The following RNF151 variants were observed in gnomAD, a reference collection of about 807,000 sequenced individuals.
The protein encoded by RNF151 is ring finger protein 151.
In RNF151, 9 loss-of-function variants were observed where a neutral mutation model predicts 11.1. The observed-to-expected ratio is 0.81, with a 90% CI of 0.49 to 1.42. RNF151 has a LOEUF of 1.42. Ranked by LOEUF, RNF151 falls within the 40% of genes most tolerant of loss-of-function variation. RNF151 has a pLI of 0.00. For synonymous variants in RNF151, 172 were observed against 140.7 expected (o/e 1.22, Z -1.58); for missense variants, 372 against 342.9 (o/e 1.08, Z -0.67).
chr16:1,967,932 C>T, intron 3 of RNF151, 111 bp downstream of exon 3: 3 of 814,382 alleles, frequency 3.7e-6, no homozygotes, highest in Non-Finnish European at 6.2e-6. Flanking sequence ...GAAACAAGTG[C>T]AGCCTTGGGA....
intron 1 of RNF151, 92 bp downstream of exon 1, chr16:1,966,976 C>T (rs557592220): frequency 7.3e-5 from 103 of 1,418,358 alleles, no homozygotes; most frequent in Non-Finnish European, 9.3e-5. Flanking sequence ...CCACTCCACT[C>T]GGAAAGGGTG....
At position 1,966,875 on chromosome 16, in the gene RNF151, G is replaced by A. The variant is rs369280646; in HGVS notation, c.-7G>A. 42 of 1,573,248 alleles carry A rather than the reference G, an allele frequency of 2.7e-5. No individual in the cohort carries two copies. Among genetic ancestry groups the A allele is most frequent in the African/African-American group, 2.2e-4 (16 of 73,622 alleles). On this transcript the variant is annotated 5_prime_UTR_variant, in exon 1 of 4. Coordinates refer to ENST00000569714, the MANE Select transcript of RNF151 (RefSeq NM_174903.6). ...GGGCCTGTGGAGCTGCTGTCTAGACGCAGATCATGGTGAGCCTGGGGCCCT... is the reference window on the plus strand; with the variant it reads ...GGGCCTGTGGAGCTGCTGTCTAGACACAGATCATGGTGAGCCTGGGGCCCT...
rs1404906703 is a variant in RNF151 at position 1,968,519 on chromosome 16, C to T, written c.332C>T (p.Thr111Met). The stretch of plus-strand genomic sequence containing the variant: ...CAGGACTCATGCCCCTTTGAGCTAA[C>T]GGCCTGCCCCAACGAGGGCTGCACC... ...GHQDSCPFEL[T>M]ACPNEGCTSQ... The change falls in exon 4 of 4, where the codon ACG becomes ATG. Residue 111 changes from threonine (T) to methionine (M), a missense_variant. Coordinates refer to ENST00000569714, the MANE Select transcript of RNF151 (RefSeq NM_174903.6). 8 of 1,608,764 alleles carry T rather than the reference C, an allele frequency of 5.0e-6. No homozygotes were observed. Among genetic ancestry groups the T allele is most frequent in the African/African-American group, 1.3e-5 (1 of 74,778 alleles).
In RNF151 at chr16:1,968,834, G is replaced by A; in HGVS notation, c.647G>A (p.Gly216Asp). Residue 216 changes from glycine to aspartate, a missense_variant, in exon 4 of 4, where the codon GGT becomes GAT. Physicochemically the swap from Gly to Asp is moderately conservative, Grantham distance 94. Coordinates refer to ENST00000569714, the MANE Select transcript of RNF151 (RefSeq NM_174903.6). Reference protein sequence around the residue: ...FLEEDTALLEGAPQEEAEAAP... With the variant: ...FLEEDTALLEDAPQEEAEAAP... Reference sequence around the variant, plus strand: ...GAGGAAGACACCGCTCTGCTGGAGGGTGCCCCACAGGAGGAGGCCGAGGCT... The same window carrying A: ...GAGGAAGACACCGCTCTGCTGGAGGATGCCCCACAGGAGGAGGCCGAGGCT... 1 of 1,594,608 alleles carries A rather than the reference G, an allele frequency of 6.3e-7. No homozygotes were observed.
chr16:1,967,297 C>G lies in RNF151; in HGVS notation c.27C>G (p.Leu9=). 6.2e-7 allele frequency: 1 copy of G among 1,613,450 alleles called. No homozygotes were observed. The highest frequency in any genetic ancestry group is 8.5e-7 in the Non-Finnish European group (1 of 1,179,852). MGGGYDLN[L]FASPPDSNFV... is the part of the protein sequence containing the mutation. ...AGGGTGGCGGGTATGATCTCAACCT[C>G]TTCGCCAGCCCTCCTGACAGCAACT... is the stretch of plus-strand genomic sequence containing the variant. Residue 9 remains leucine, a synonymous_variant, in exon 2 of 4, where the codon CTC becomes CTG. Coordinates refer to ENST00000569714, the MANE Select transcript of RNF151 (RefSeq NM_174903.6).
In RNF151 at chr16:1,968,458, A is replaced by G; in HGVS notation, c.271A>G (p.Ile91Val). 6.4e-7 allele frequency: 1 copy of G among 1,572,276 alleles called. No individual in the cohort carries two copies. Among genetic ancestry groups the G allele is most frequent in the Non-Finnish European group, 8.7e-7 (1 of 1,154,344 alleles). Residue 91 changes from isoleucine (I) to valine (V), a missense_variant, in exon 4 of 4, where the codon ATA becomes GTA. By Grantham distance (29) the Ile-to-Val change is conservative. Coordinates refer to ENST00000569714, the MANE Select transcript of RNF151 (RefSeq NM_174903.6). ...VKCKNADAGC[I>V]VTCPLAHRKG... The stretch of plus-strand genomic sequence containing the variant: ...GTGCAAGAACGCCGACGCTGGCTGC[A>G]TAGTGACATGCCCCCTGGCCCATCG...
At position 1,967,266 on chromosome 16, in the gene RNF151, C is replaced by A. The variant is rs756979106; in HGVS notation, c.4-8C>A. Reference sequence around the variant, plus strand: ...TCCCAGCCAGGTGCTGACACCTGGCCTTTGCAGGGTGGCGGGTATGATCTC... The same window carrying A: ...TCCCAGCCAGGTGCTGACACCTGGCATTTGCAGGGTGGCGGGTATGATCTC... On this transcript the variant is annotated splice_region_variant and splice_polypyrimidine_tract_variant and intron_variant, in intron 1 of 3. Coordinates refer to ENST00000569714, the MANE Select transcript of RNF151 (RefSeq NM_174903.6). The A allele has an allele frequency of 6.2e-7, 1 of 1,611,962 alleles. No homozygotes were observed. Among genetic ancestry groups the A allele is most frequent in the Non-Finnish European group, 8.5e-7 (1 of 1,179,088 alleles).
chr16:1,966,858 G>A lies in RNF151; in HGVS notation c.-24G>A. On this transcript the variant is annotated 5_prime_UTR_variant, in exon 1 of 4. Coordinates refer to ENST00000569714, the MANE Select transcript of RNF151 (RefSeq NM_174903.6). ...AGGCTCCTGAGCTCTGGGGGCCTGT[G>A]GAGCTGCTGTCTAGACGCAGATCAT... The A allele has an allele frequency of 6.4e-7, 1 of 1,558,652 alleles. No individual in the cohort carries two copies. Among genetic ancestry groups the A allele is most frequent in the Non-Finnish European group, 8.7e-7 (1 of 1,146,730 alleles).
At chr16:1,967,555 C>G in intron 2 of RNF151, 136 bp downstream of exon 2, 1 of 967,862 alleles carries the variant, frequency 1.0e-6, no homozygotes. Context: ...TGTACCCTCA[C>G]TCAGTAGTGT....
At position 1,967,841 on chromosome 16, in the gene RNF151, C is replaced by T. The variant is rs375368740; in HGVS notation, c.246+20C>T. ...GTCAAGGTAGCTCAAAGTACCCACT[C>T]CCCTGACCCTCAACCCTTCTCACCC... On this transcript the variant is annotated intron_variant, in intron 3 of 3. Transcript: ENST00000569714. 4 of 1,555,486 alleles carry T rather than the reference C, an allele frequency of 2.6e-6. No homozygotes were observed. The African/African-American group carries it at 5.4e-5, about 21-fold the overall frequency.
At chr16:1,968,007 G>C in intron 3 of RNF151, 186 bp downstream of exon 3, 1 of 705,598 alleles carries the variant, frequency 1.4e-6, no homozygotes, top group Non-Finnish European at 2.6e-6. Flanking sequence ...CTTTAGGCAA[G>C]TCACCTAACT....
chr16:1,967,189 A>C, intron 1 of RNF151, 85 bp from the exon 2 acceptor site: 1 of 1,514,558 alleles, frequency 6.6e-7, no homozygotes, highest in Non-Finnish European at 8.9e-7. Flanking sequence ...CTCCCTGCCA[A>C]AAGCTTGCTG....
intron 3 of RNF151, 56 bp from the exon 4 acceptor site, chr16:1,968,377 TG>T (rs2083329961): frequency 6.9e-7 from 1 of 1,458,820 alleles, no homozygotes; most frequent in South Asian, 1.4e-5. Context: ...AAGCCAGGGG[TG>T]GGGGATTCCG....
intron 1 of RNF151, 65 bp from the exon 2 acceptor site, chr16:1,967,209 G>GCTC: frequency 6.4e-7 from 1 of 1,555,154 alleles, no homozygotes; most frequent in South Asian, 1.2e-5. Context: ...GGGCTCTCTT[G>GCTC]CTCGGTATGT....
intron 3 of RNF151, 95 bp downstream of exon 3, chr16:1,967,916 C>T: frequency 1.1e-6 from 1 of 889,850 alleles, no homozygotes; most frequent in Non-Finnish European, 1.8e-6. Context: ...ATCCCATCTT[C>T]AGAGAGAAAC....
rs773777976 is a variant in RNF151 at position 1,968,694 on chromosome 16, C to T, written c.507C>T (p.Ser169=). The T allele has an allele frequency of 1.3e-5, 21 of 1,566,204 alleles. 1 individual carries two copies. The highest frequency in any genetic ancestry group is 5.8e-5 in the South Asian group (5 of 85,620). ...ACCGGGAGCTGCACAACGCCTGGAG[C>T]GTGCGCCAGGAGCGCCGTCGGCCCC... is the stretch of plus-strand genomic sequence containing the variant. ...NCYRELHNAW[S]VRQERRRPLL... is the part of the protein sequence containing the mutation. Residue 169 remains serine, a synonymous_variant, in exon 4 of 4, where the codon AGC becomes AGT. Coordinates refer to ENST00000569714, the MANE Select transcript of RNF151 (RefSeq NM_174903.6).
In RNF151 at chr16:1,968,652, T is replaced by C. The variant is rs1597044188; in HGVS notation, c.465T>C (p.Arg155=). The change falls in exon 4 of 4, where the codon CGT becomes CGC. Residue 155 remains arginine (R), a synonymous_variant. Coordinates refer to ENST00000569714, the MANE Select transcript of RNF151 (RefSeq NM_174903.6). ...GCGATLDPAE[R]ARHNCYRELH... ...GGGCCACCCTGGACCCGGCCGAGCG[T>C]GCTCGCCACAACTGCTACCGGGAGC... is the stretch of plus-strand genomic sequence containing the variant. The C allele has an allele frequency of 3.8e-6, 6 of 1,566,946 alleles. No individual in the cohort carries two copies. Among genetic ancestry groups the C allele is most frequent in the Non-Finnish European group, 5.2e-6 (6 of 1,156,826 alleles).
At chr16:1,967,047 T>A (rs1026749251) in intron 1 of RNF151, among the ~76,000 whole-genome samples, 163 bp downstream of exon 1, 2 of 152,118 alleles carry the variant, frequency 1.3e-5, no homozygotes, top group Non-Finnish European at 2.9e-5. Flanking sequence ...TCTGGCTAGG[T>A]CTAATTCCAG....
At chr16:1,968,328 C>A in intron 3 of RNF151, 106 bp from the exon 4 acceptor site, 1 of 1,364,934 alleles carries the variant, frequency 7.3e-7, no homozygotes, top group South Asian at 1.5e-5. Context: ...GTCAGAAAAG[C>A]GTGGGAGGCT....
Sources: allele counts gnomAD v4.1 joint callset (sites outside exome capture counted in the v4.1 genomes callset), GRCh38; gene constraint gnomAD v4.1.1; transcripts MANE v1.5; gene names NCBI Gene and HGNC (gene_info 2026-07-23, HGNC 2026-07-21).